Variants in GRID1 observed in about 807,000 individuals in gnomAD.
GRID1 encodes glutamate ionotropic receptor delta type subunit 1.
A neutral mutation model predicts 98.0 loss-of-function variants in GRID1; 28 were observed. That is an observed-to-expected ratio of 0.29 (90% CI 0.21 to 0.39). The LOEUF (loss-of-function observed/expected upper bound fraction) is 0.39, where lower values mean the gene tolerates loss of function less well. Among genes scored for constraint, GRID1 ranks in the 10% least tolerant of loss-of-function variants. The pLI, the probability that GRID1 is intolerant of heterozygous loss-of-function variation, is 1.00. For missense variants in GRID1, 1,111 were observed against 1,340.5 expected, an observed-to-expected ratio of 0.83 and a Z score of 2.67; for synonymous variants, 553 against 538.5, an observed-to-expected ratio of 1.03 and a Z score of -0.37.
intron 12 of GRID1, among the ~76,000 whole-genome samples, chr10:85,702,970 A>G (rs1841469699): frequency 6.6e-6 from 1 of 151,886 alleles, no homozygotes. Context: ...AACCAGACAG[A>G]AGGAGAAAGG....
chr10:85,984,495 C>T (rs1399737632), intron 4 of GRID1, among the ~76,000 whole-genome samples: 1 of 152,124 alleles, frequency 6.6e-6, no homozygotes, highest in Non-Finnish European at 1.5e-5. Context: ...CTGTGCTGCT[C>T]CCCAGCACCT....
chr10:85,908,115 G>C (rs1273749231), intron 5 of GRID1, among the ~76,000 whole-genome samples: 1 of 152,064 alleles, frequency 6.6e-6, no homozygotes, highest in African/African-American at 2.4e-5. Context: ...CTAATATCAG[G>C]AATACGAAAA....
intron 4 of GRID1, among the ~76,000 whole-genome samples, chr10:86,104,585 C>T (rs866954611): frequency 3.3e-5 from 5 of 152,210 alleles, no homozygotes; most frequent in Non-Finnish European, 5.9e-5. Flanking sequence ...AGCTCCTCTG[C>T]GGCCAGAGAA....
At chr10:85,847,165 C>G (rs1026973470) in intron 8 of GRID1, among the ~76,000 whole-genome samples, 1 of 152,218 alleles carries the variant, frequency 6.6e-6, no homozygotes, top group Non-Finnish European at 1.5e-5. Flanking sequence ...GGGCTCTTCA[C>G]TTACAGAATG....
chr10:85,682,224 A>T (rs1841218563), intron 12 of GRID1, among the ~76,000 whole-genome samples: 1 of 152,160 alleles, frequency 6.6e-6, no homozygotes, highest in South Asian at 2.1e-4. Flanking sequence ...TAACAGTGAG[A>T]AGTCTCTTCA....
intron 2 of GRID1, among the ~76,000 whole-genome samples, chr10:86,332,669 C>T (rs771090282): frequency 3.3e-5 from 5 of 152,166 alleles, no homozygotes; most frequent in East Asian, 1.9e-4. Context: ...CAGTGACTCC[C>T]GAAGTGATGC....
intron 4 of GRID1, among the ~76,000 whole-genome samples, chr10:85,944,191 C>T (rs1329405358): frequency 6.6e-6 from 1 of 152,188 alleles, no homozygotes; most frequent in Non-Finnish European, 1.5e-5. Flanking sequence ...CCCGGCTGAG[C>T]CCAGCCCAAA....
chr10:85,856,916 G>A (rs1297540480), intron 6 of GRID1, among the ~76,000 whole-genome samples: 2 of 152,220 alleles, frequency 1.3e-5, no homozygotes, highest in African/African-American at 4.8e-5. Context: ...ATTGAGCCCT[G>A]CAAAGACTTA....
intron 5 of GRID1, among the ~76,000 whole-genome samples, chr10:85,904,734 C>G (rs1234484057): frequency 6.7e-6 from 1 of 148,216 alleles, no homozygotes; most frequent in Non-Finnish European, 1.5e-5. Flanking sequence ...AAACACTGGA[C>G]AGAATAGTTG....
At chr10:86,186,894 GA>G (rs1174648420) in intron 3 of GRID1, among the ~76,000 whole-genome samples, 2 of 152,214 alleles carry the variant, frequency 1.3e-5, no homozygotes, top group Admixed American at 6.5e-5. Context: ...TTCATTTAGA[GA>G]GAAGCAAACT....
chr10:86,207,387 A>G (rs17320881), intron 2 of GRID1, among the ~76,000 whole-genome samples: 54,766 of 152,058 alleles, frequency 0.36, 10,365 homozygotes, highest in Non-Finnish European at 0.43. Context: ...GAGGAGGAAC[A>G]CAGCGGACGC....
At chr10:86,331,091 T>C (rs1454576362) in intron 2 of GRID1, among the ~76,000 whole-genome samples, 3 of 152,342 alleles carry the variant, frequency 2.0e-5, no homozygotes. Context: ...GGATGGCACA[T>C]GCAGGAGGCA....
At chr10:86,279,507 T>A (rs1269236388) in intron 2 of GRID1, among the ~76,000 whole-genome samples, 6 of 152,260 alleles carry the variant, frequency 3.9e-5, no homozygotes, top group Admixed American at 1.3e-4. Context: ...AAGAAACACA[T>A]ATGATCATCT....
At chr10:85,698,637 G>A (rs1841419264) in intron 12 of GRID1, among the ~76,000 whole-genome samples, 1 of 152,184 alleles carries the variant, frequency 6.6e-6, no homozygotes, top group African/African-American at 2.4e-5. Flanking sequence ...TTTATGTAAA[G>A]ATTTTTGTGT....
At chr10:85,604,377 T>C (rs1315697316) in intron 15 of GRID1, among the ~76,000 whole-genome samples, 1 of 152,150 alleles carries the variant, frequency 6.6e-6, no homozygotes, top group South Asian at 2.1e-4. Context: ...AGTTTGAGAA[T>C]AGAGGATGCT....
At chr10:85,650,914 C>A (rs1342040547) in intron 12 of GRID1, among the ~76,000 whole-genome samples, 1 of 152,182 alleles carries the variant, frequency 6.6e-6, no homozygotes, top group African/African-American at 2.4e-5. Context: ...GCTTTGAATG[C>A]CTTCACTGTT....
At chr10:85,619,331 C>T (rs146622101) in intron 14 of GRID1, among the ~76,000 whole-genome samples, 17 of 152,338 alleles carry the variant, frequency 1.1e-4, no homozygotes, top group East Asian at 5.8e-4. Context: ...CATACAGCCA[C>T]GTGCAAATAA....
At chr10:85,611,944 A>C (rs1842736501) in intron 15 of GRID1, among the ~76,000 whole-genome samples, 1 of 152,108 alleles carries the variant, frequency 6.6e-6, no homozygotes, top group Admixed American at 6.5e-5. Context: ...TTCCCTTCTG[A>C]GCTCCAGGGG....
At chr10:85,671,385 C>T (rs1049946840) in intron 12 of GRID1, among the ~76,000 whole-genome samples, 2 of 151,912 alleles carry the variant, frequency 1.3e-5, no homozygotes, top group Non-Finnish European at 2.9e-5. Flanking sequence ...AAAATTATTA[C>T]TATTATTATT....
Sources: gnomAD v4.1 joint callset for allele counts (sites outside exome capture counted in the v4.1 genomes callset) on GRCh38, gnomAD v4.1.1 for gene constraint, MANE v1.5 for transcripts, NCBI Gene and HGNC (gene_info 2026-07-23, HGNC 2026-07-21) for gene names.